The following SORBS2 variants were observed in gnomAD, a reference collection of about 807,000 sequenced individuals.
SORBS2 encodes the protein sorbin and SH3 domain-containing protein 2.
SORBS2 carries 46 observed loss-of-function variants against 97.7 expected under a neutral mutation model. The ratio of observed to expected loss-of-function variants is 0.47; its 90% CI spans 0.37 to 0.60. The LOEUF (loss-of-function observed/expected upper bound fraction) is 0.60, where lower values mean the gene tolerates loss of function less well. Among genes scored for constraint, SORBS2 ranks in the 20% least tolerant of loss-of-function variants. The probability of loss-of-function intolerance (pLI) is 0.00; values close to 1 mark genes in which losing one functional copy is unlikely to be tolerated. For synonymous variants in SORBS2, 476 were observed against 473.4 expected, an observed-to-expected ratio of 1.01 and a Z score of -0.07; for missense variants, 1,316 against 1,282.3, an observed-to-expected ratio of 1.03 and a Z score of -0.40.
intron 2 of SORBS2, among the ~76,000 whole-genome samples, chr4:185,736,688 C>T (rs2153579915): frequency 6.6e-6 from 1 of 152,286 alleles, no homozygotes; most frequent in East Asian, 1.9e-4. Flanking sequence ...TGGCTCAGGG[C>T]CACTGGAACA....
intron 1 of SORBS2, among the ~76,000 whole-genome samples, chr4:185,777,040 G>C (rs35761435): frequency 0.2 from 30,214 of 151,840 alleles, 3,984 homozygotes; most frequent in Middle Eastern, 0.31. Flanking sequence ...AAATACTGAG[G>C]ATTATGCCAT....
rs138564253 is a variant in SORBS2 at position 185,633,003 on chromosome 4, G to T, written c.397-2405C>A. ...AAATGAAAATTATCTCCAGAAAAGAGGTTACAAATTTTACCAGTTATGATC... is the reference window on the plus strand; with the variant it reads ...AAATGAAAATTATCTCCAGAAAAGATGTTACAAATTTTACCAGTTATGATC... On this transcript the variant is annotated intron_variant, in intron 4 of 14. Transcript: ENST00000418609. Among the ~76,000 whole-genome samples, 1,055 of 152,132 alleles carry T rather than the reference G, an allele frequency of 6.9e-3. 11 individuals are homozygous for T. The highest frequency in any genetic ancestry group is 0.024 in the African/African-American group (1,016 of 41,496).
At chr4:185,619,717 C>T (rs1034086138) in intron 8 of SORBS2, among the ~76,000 whole-genome samples, 7 of 152,174 alleles carry the variant, frequency 4.6e-5, no homozygotes, top group East Asian at 3.9e-4. Context: ...CCTGGACCAG[C>T]GGGCCAAGAA....
chr4:185,707,852 C>T (rs1026732316), intron 2 of SORBS2, among the ~76,000 whole-genome samples: 2 of 152,260 alleles, frequency 1.3e-5, no homozygotes, highest in Middle Eastern at 3.4e-3. Flanking sequence ...GAGAAAGACG[C>T]ACCCCATGAG....
intron 1 of SORBS2, among the ~76,000 whole-genome samples, chr4:185,832,222 G>A (rs2099205539): frequency 6.6e-6 from 1 of 152,094 alleles, no homozygotes; most frequent in Admixed American, 6.5e-5. Flanking sequence ...TCTTTTCTAG[G>A]CACTAGTTAA....
intron 2 of SORBS2, chr4:185,774,087 T>C (rs1182647989): frequency 6.6e-6 from 1 of 152,142 alleles, no homozygotes; most frequent in Non-Finnish European, 1.5e-5. Flanking sequence ...CAATAAACTT[T>C]TCTGAAAAAA....
Position 185,684,836 on chromosome 4 carries a change from C to T in SORBS2, c.-197-6014G>A, listed in dbSNP as rs1035452553. 2 of 1,551,768 alleles carry T rather than the reference C, an allele frequency of 1.3e-6. No homozygotes were observed. Among genetic ancestry groups the T allele is most frequent in the Admixed American group, 3.9e-5 (2 of 50,994 alleles). On this transcript the variant is annotated intron_variant, in intron 2 of 20. Transcript: ENST00000284776. This position sits in a 1 kb window ranked among gnomAD's most constrained non-coding sequence, Gnocchi z 4.2. ...ACATGGCGGCACGTTTGCGAGCACA[C>T]CCACCGCTATCTGGAAGCAAAAAAA...
intron 1 of SORBS2, among the ~76,000 whole-genome samples, chr4:185,921,029 A>C (rs2099260681): frequency 6.6e-6 from 1 of 152,186 alleles, no homozygotes; most frequent in African/African-American, 2.4e-5. Context: ...TGAGAGGCAG[A>C]GGGCTGGGCG....
chr4:185,926,051 G>C (rs565047552), intron 1 of SORBS2, among the ~76,000 whole-genome samples: 2 of 152,366 alleles, frequency 1.3e-5, no homozygotes, highest in Admixed American at 6.5e-5. Flanking sequence ...ACCCTTCCTG[G>C]AGTGCAGACA....
intron 2 of SORBS2, among the ~76,000 whole-genome samples, chr4:185,742,041 A>G (rs1206496520): frequency 2.0e-5 from 3 of 152,168 alleles, no homozygotes; most frequent in Admixed American, 2.0e-4. Context: ...TGAAATCGGC[A>G]TCTTGGCTCC....
At chr4:185,793,091 A>G (rs1488579571) in intron 1 of SORBS2, among the ~76,000 whole-genome samples, 3 of 152,238 alleles carry the variant, frequency 2.0e-5, no homozygotes, top group African/African-American at 7.2e-5. Context: ...AAGAATACTT[A>G]CTGTTATTTT....
At chr4:185,731,866 C>CTCTCTCTCTA (rs1286500642) in intron 2 of SORBS2, among the ~76,000 whole-genome samples, 3 of 24,688 alleles carry the variant, frequency 1.2e-4, no homozygotes, top group Admixed American at 6.7e-4. Context: ...CTCTCTCTCT[C>CTCTCTCTCTA]TATATATATA....
intron 14 of SORBS2, among the ~76,000 whole-genome samples, chr4:185,588,994 C>T (rs1043322367): frequency 4.6e-5 from 7 of 152,078 alleles, no homozygotes; most frequent in Non-Finnish European, 7.4e-5. Context: ...ATTTTGCCAC[C>T]GATGGATGTC....
intron 1 of SORBS2, among the ~76,000 whole-genome samples, chr4:185,878,834 C>G (rs968717353): frequency 2.0e-5 from 3 of 152,148 alleles, no homozygotes; most frequent in Non-Finnish European, 4.4e-5. Flanking sequence ...GGCTCTGCTC[C>G]CTCCCAGCAG....
At chr4:185,824,473 C>T (rs1356620233) in intron 1 of SORBS2, among the ~76,000 whole-genome samples, 1 of 152,160 alleles carries the variant, frequency 6.6e-6, no homozygotes, top group African/African-American at 2.4e-5. Flanking sequence ...GGGGTTAGGA[C>T]TTCAAAGTAT....
intron 2 of SORBS2, among the ~76,000 whole-genome samples, chr4:185,726,897 T>C (rs1287845784): frequency 1.3e-5 from 2 of 152,188 alleles, no homozygotes. Context: ...GGCATGCATC[T>C]TTAAATAGGA....
intron 1 of SORBS2, chr4:185,918,536 G>A (rs374954236): frequency 5.9e-5 from 9 of 152,228 alleles, no homozygotes; most frequent in African/African-American, 1.4e-4. Context: ...GCCAATGAAG[G>A]GTGAGAGAAA....
chr4:185,587,680 T>C, exon 15 of SORBS2: 1 of 1,612,918 alleles, frequency 6.2e-7, no homozygotes, highest in Non-Finnish European at 8.5e-7. Flanking sequence ...TTGGTTCTTC[T>C]TGAGGTCCCT....
intron 1 of SORBS2, among the ~76,000 whole-genome samples, chr4:185,817,337 T>A (rs7669135): frequency 1.3e-5 from 2 of 151,960 alleles, no homozygotes; most frequent in African/African-American, 4.8e-5. Context: ...AAACCTGCAG[T>A]GGGGAGAGAT....
Sources: allele counts gnomAD v4.1 joint callset (sites outside exome capture counted in the v4.1 genomes callset), GRCh38; gene constraint gnomAD v4.1.1; non-coding constraint Gnocchi (gnomAD v3.1); transcripts MANE v1.5; gene names NCBI Gene and HGNC (gene_info 2026-07-23, HGNC 2026-07-21).